Variants in SNRNP48 observed in about 807,000 individuals in gnomAD.
The protein encoded by SNRNP48 is U11/U12 small nuclear ribonucleoprotein 48 kDa protein.
Under a neutral mutation model 47.0 loss-of-function variants are expected in SNRNP48, and 43 were observed. The ratio of observed to expected loss-of-function variants is 0.92; its 90% CI spans 0.72 to 1.18. The LOEUF is 1.18. Ranked by LOEUF, SNRNP48 falls within the 50% of genes most tolerant of loss-of-function variation. The pLI, the probability that SNRNP48 is intolerant of heterozygous loss-of-function variation, is 0.00. For missense variants in SNRNP48, 396 were observed against 422.2 expected (o/e 0.94, Z 0.54); for synonymous variants, 138 against 144.0 (o/e 0.96, Z 0.30).
intron 8 of SNRNP48, among the ~76,000 whole-genome samples, chr6:7,607,151 C>T (rs927312625): frequency 1.3e-5 from 2 of 152,160 alleles, no homozygotes; most frequent in African/African-American, 4.8e-5. Context: ...AACCTCGTCT[C>T]TACAAAGAAT....
chr6:7,605,609 G>T (rs1247010380), intron 7 of SNRNP48, 123 bp downstream of exon 7: 1 of 908,420 alleles, frequency 1.1e-6, no homozygotes, highest in Non-Finnish European at 1.7e-6. Context: ...TCGTGAAAAT[G>T]CTTTTTGTTT....
chr6:7,604,105 A>C (rs983950945), intron 6 of SNRNP48, among the ~76,000 whole-genome samples: 1 of 152,142 alleles, frequency 6.6e-6, no homozygotes, highest in African/African-American at 2.4e-5. Flanking sequence ...ACTCTTGCCT[A>C]TGTGGTGGAG....
rs1054377899 is a variant in SNRNP48 at position 7,611,432 on chromosome 6, A to G, written c.*2559A>G. 2 of 152,140 alleles carry G rather than the reference A, an allele frequency of 1.3e-5. No homozygotes were observed. The highest frequency in any genetic ancestry group is 2.1e-4 in the South Asian group (1 of 4,818). 9.4% of individuals were successfully genotyped at this position (152,140 alleles called of 1,614,324 possible). A position where few individuals can be genotyped will look rare whatever the true frequency, so the allele number is the denominator to read the frequency against. On this transcript the variant is annotated 3_prime_UTR_variant, in exon 9 of 9. Coordinates refer to ENST00000342415, the MANE Select transcript of SNRNP48 (RefSeq NM_152551.4). ...CTCAAGCTCCTGGCCTCGGCCTCCTAAAGTGCTGGGATTACAAGTGTGAGC... is the reference window on the plus strand; with the variant it reads ...CTCAAGCTCCTGGCCTCGGCCTCCTGAAGTGCTGGGATTACAAGTGTGAGC...
intron 4 of SNRNP48, among the ~76,000 whole-genome samples, chr6:7,596,777 T>A (rs529347865): frequency 3.9e-4 from 60 of 152,308 alleles, no homozygotes; most frequent in African/African-American, 1.4e-3. Context: ...TAGTCAAGCC[T>A]TTTTTGGCCT....
intron 4 of SNRNP48, chr6:7,599,687 A>G: frequency 1.6e-6 from 2 of 1,285,020 alleles, no homozygotes; most frequent in Non-Finnish European, 1.0e-6. Flanking sequence ...TGGGGTGAGT[A>G]TAAAGAGGAA....
intron 4 of SNRNP48, among the ~76,000 whole-genome samples, chr6:7,595,840 T>C (rs1581834281): frequency 6.6e-6 from 1 of 152,366 alleles, no homozygotes; most frequent in East Asian, 1.9e-4. Context: ...GGATTCATAT[T>C]AATAGATCCT....
At chr6:7,604,247 C>G (rs1760084802) in intron 6 of SNRNP48, among the ~76,000 whole-genome samples, 1 of 152,172 alleles carries the variant, frequency 6.6e-6, no homozygotes, top group Admixed American at 6.5e-5. Flanking sequence ...TGACTCATGT[C>G]ACTCCGCTAG....
In SNRNP48 at chr6:7,594,107, G is replaced by T. The variant is rs1358680354; in HGVS notation, c.279G>T (p.Met93Ile). Residue 93 changes from methionine to isoleucine, a missense_variant, in exon 3 of 9, where the codon ATG (methionine) becomes ATT (isoleucine). Coordinates refer to ENST00000342415, the MANE Select transcript of SNRNP48 (RefSeq NM_152551.4). ...AGATTCTTTTTTTTCAGGATGAAAT[G>T]TATAATCCTGAGTTTTTCTATGAAA... ...MGYTKEEEDE[M>I]YNPEFFYENV... 1 of 1,436,544 alleles carries T rather than the reference G, an allele frequency of 7.0e-7. No homozygotes were observed. The highest frequency in any genetic ancestry group is 9.4e-7 in the Non-Finnish European group (1 of 1,059,286). 89.0% of individuals were successfully genotyped at this position (1,436,544 alleles called of 1,614,324 possible).
In SNRNP48 at chr6:7,602,708, C is replaced by G; in HGVS notation, c.681C>G (p.Ala227=). The G allele has an allele frequency of 6.3e-7, 1 of 1,594,322 alleles. No individual in the cohort carries two copies. The highest frequency in any genetic ancestry group is 8.5e-7 in the Non-Finnish European group (1 of 1,171,954). ...AAAGAAGACGCCAGTCCTATAGAGC[C>G]AAGAATGTTCACATAACCAAGAAAT... ...DYKRRRQSYR[A]KNVHITKKSY... Residue 227 remains alanine (A), a synonymous_variant, in exon 6 of 9, where the codon GCC becomes GCG. Transcript: ENST00000342415.
intron 4 of SNRNP48, among the ~76,000 whole-genome samples, chr6:7,596,478 A>G (rs1042142909): frequency 2.6e-5 from 4 of 151,944 alleles, no homozygotes; most frequent in African/African-American, 9.7e-5. Flanking sequence ...GGCTGTAGTC[A>G]TGGTTGGTTT....
intron 5 of SNRNP48, among the ~76,000 whole-genome samples, chr6:7,601,834 G>A (rs576793913): frequency 1.3e-5 from 2 of 151,964 alleles, no homozygotes; most frequent in South Asian, 2.1e-4. Flanking sequence ...CATTTACATC[G>A]TATCAGGTTT....
At chr6:7,592,248 C>G (rs1759831578) in intron 1 of SNRNP48, among the ~76,000 whole-genome samples, 1 of 151,972 alleles carries the variant, frequency 6.6e-6, no homozygotes, top group Admixed American at 6.6e-5. Context: ...AGGGAGTGAC[C>G]AGATCGGGAA....
In SNRNP48 at chr6:7,590,382, G is replaced by A; in HGVS notation, c.125G>A (p.Ser42Asn). ...GCGTCCCTGGGCTGGGACCTAGATA[G>A]TCTGGATCCCGGGGAAGAGGAGGCG... ...VTASLGWDLD[S>N]LDPGEEEAAE... Residue 42 changes from serine (S) to asparagine (N), a missense_variant, in exon 1 of 9, where the codon AGT becomes AAT. By Grantham distance (46) the Ser-to-Asn change is conservative. Transcript: ENST00000342415. 1.5e-6 allele frequency: 2 copies of A among 1,351,774 alleles called. No individual in the cohort carries two copies. Among genetic ancestry groups the A allele is most frequent in the Admixed American group, 6.9e-5 (2 of 29,142 alleles). 83.7% of individuals were successfully genotyped at this position (1,351,774 alleles called of 1,614,324 possible).
chr6:7,602,569 A>G (rs1760046914), intron 5 of SNRNP48, 54 bp from the exon 6 acceptor site: 1 of 1,347,784 alleles, frequency 7.4e-7, no homozygotes, highest in African/African-American at 1.5e-5. Flanking sequence ...TTGATAATTC[A>G]TAGAATTTAA....
In SNRNP48 at chr6:7,605,484, A is replaced by C. The variant is rs1760109134; in HGVS notation, c.804A>C (p.Glu268Asp). The C allele has an allele frequency of 1.2e-6, 2 of 1,613,134 alleles. No individual in the cohort carries two copies. Among genetic ancestry groups the C allele is most frequent in the South Asian group, 2.2e-5 (2 of 91,056 alleles). Residue 268 changes from glutamate to aspartate, a missense_variant and splice_region_variant, in exon 7 of 9, where the codon GAA becomes GAC. Transcript: ENST00000342415. The stretch of plus-strand genomic sequence containing the variant: ...AAGAGAAGGCAGAGGATGATGCCGA[A>C]AAGTACGTCATTATCTTTATTGGTG... ...EEQEKAEDDA[E>D]KNEERRSASV...
intron 4 of SNRNP48, among the ~76,000 whole-genome samples, chr6:7,597,459 T>G (rs1269637551): frequency 6.6e-6 from 1 of 152,232 alleles, no homozygotes; most frequent in East Asian, 1.9e-4. Context: ...AGTAGCTGCT[T>G]GGCCATATAT....
intron 6 of SNRNP48, among the ~76,000 whole-genome samples, chr6:7,603,242 C>T (rs911167972): frequency 1.3e-5 from 2 of 152,052 alleles, no homozygotes; most frequent in South Asian, 4.1e-4. Flanking sequence ...TTTTTATGTA[C>T]TCTAGTAAAT....
chr6:7,590,849 GAGCCTGTGGCCCC>G (rs1284864183), intron 1 of SNRNP48, among the ~76,000 whole-genome samples: 1 of 152,148 alleles, frequency 6.6e-6, no homozygotes, highest in Non-Finnish European at 1.5e-5. Flanking sequence ...GTGGTGGTGT[GAGCCTGTGGCCCC>G]AGCTATTTGG....
At chr6:7,605,106 A>C (rs556659946) in intron 6 of SNRNP48, among the ~76,000 whole-genome samples, 10 of 152,234 alleles carry the variant, frequency 6.6e-5, no homozygotes, top group African/African-American at 1.9e-4. Context: ...TACATACCTC[A>C]TAACCCTTTA....
Sources: gnomAD v4.1 joint callset for allele counts (sites outside exome capture counted in the v4.1 genomes callset) on GRCh38, gnomAD v4.1.1 for gene constraint, MANE v1.5 for transcripts, NCBI Gene and HGNC (gene_info 2026-07-23, HGNC 2026-07-21) for gene names.